Variants in TENT5D observed in about 807,000 individuals in gnomAD.
TENT5D encodes cancer/testis antigen 112.
For synonymous variants in TENT5D, 103 were observed against 100.6 expected (o/e 1.02, Z -0.15); for missense variants, 191 against 287.0 (o/e 0.67, Z 2.42).
At chrX:80,336,150 T>A (rs1333411078) in intron 2 of TENT5D, among the ~76,000 whole-genome samples, 1 of 111,413 alleles carries the variant, frequency 9.0e-6, no homozygotes. Context: ...ATTAGTATAT[T>A]CTCTTACTAA....
chrX:80,418,041 G>A (rs1478351093), upstream of TENT5D, among the ~76,000 whole-genome samples: 1 of 110,918 alleles, frequency 9.0e-6, no homozygotes, highest in Non-Finnish European at 1.9e-5. Context: ...TTCCAACTGA[G>A]TTATTTCAGA....
chrX:80,443,868 A>G (rs1275008313), exon 3 of TENT5D: 4 of 479,726 alleles, frequency 8.3e-6, no homozygotes, highest in Non-Finnish European at 1.4e-5. Flanking sequence ...TTTTTGATCA[A>G]TTAAGCCATC....
At chrX:80,367,625 A>G (rs779195764) in intron 3 of TENT5D, among the ~76,000 whole-genome samples, 1 of 112,053 alleles carries the variant, frequency 8.9e-6, no homozygotes, top group South Asian at 3.7e-4. Context: ...GATACAGAAT[A>G]TGTGATACAT....
intron 3 of TENT5D, among the ~76,000 whole-genome samples, chrX:80,394,739 T>G (rs1931209386): frequency 9.0e-6 from 1 of 111,246 alleles, no homozygotes; most frequent in Non-Finnish European, 1.9e-5. Flanking sequence ...AAATTTTAAT[T>G]AACACATAAT....
At chrX:80,443,848 T>A (rs1313286627) in exon 3 of TENT5D, 2 of 538,881 alleles carry the variant, frequency 3.7e-6, no homozygotes, top group Admixed American at 4.2e-5. Flanking sequence ...GGAATAGTAG[T>A]TACCAACTAT....
chrX:80,427,600 A>G (rs986181822), intron 1 of TENT5D, among the ~76,000 whole-genome samples: 4 of 111,849 alleles, frequency 3.6e-5, no homozygotes, highest in African/African-American at 1.3e-4. Context: ...CTTCTTAAAT[A>G]GACATTACAC....
chrX:80,429,561 C>T (rs1932046194), intron 1 of TENT5D, among the ~76,000 whole-genome samples: 1 of 110,486 alleles, frequency 9.1e-6, no homozygotes, highest in Non-Finnish European at 1.9e-5. Flanking sequence ...CCTCGGCCTC[C>T]CAAAGTGCTG....
At chrX:80,384,192 C>A in intron 3 of TENT5D, among the ~76,000 whole-genome samples, 1 of 99,452 alleles carries the variant, frequency 1.0e-5, no homozygotes, top group African/African-American at 3.7e-5. Context: ...ACTGGCAAAC[C>A]GAATCCAGCA....
chrX:80,338,656 C>T (rs1416679501), intron 2 of TENT5D, among the ~76,000 whole-genome samples: 1 of 112,404 alleles, frequency 8.9e-6, no homozygotes, highest in African/African-American at 3.2e-5. Context: ...TTTGTGTTAA[C>T]ACATTTTTTG....
At chrX:80,381,520 G>A (rs1177551927) in intron 3 of TENT5D, among the ~76,000 whole-genome samples, 1 of 111,906 alleles carries the variant, frequency 8.9e-6, no homozygotes, top group African/African-American at 3.3e-5. Context: ...CTAGGTTGGG[G>A]AAGTTCTCCT....
At chrX:80,367,323 T>C (rs1250719027) in intron 3 of TENT5D, among the ~76,000 whole-genome samples, 6 of 111,723 alleles carry the variant, frequency 5.4e-5, no homozygotes, top group Non-Finnish European at 9.4e-5. Context: ...AAATGGCCGT[T>C]ATCCAAAAGA....
chrX:80,366,845 A>G (rs769418079), intron 3 of TENT5D, among the ~76,000 whole-genome samples: 1 of 111,728 alleles, frequency 9.0e-6, no homozygotes, highest in African/African-American at 3.2e-5. Context: ...ATTTTCTACT[A>G]TACAATTCTG....
chrX:80,410,212 G>A (rs1931618121), intron 3 of TENT5D, among the ~76,000 whole-genome samples: 1 of 110,223 alleles, frequency 9.1e-6, no homozygotes. Context: ...AACACCAAAA[G>A]CAATGGCAAC....
chrX:80,389,610 GA>G (rs1413781526), intron 3 of TENT5D, among the ~76,000 whole-genome samples: 1 of 112,348 alleles, frequency 8.9e-6, no homozygotes, highest in Non-Finnish European at 1.9e-5. Flanking sequence ...AAAGATAGTA[GA>G]AAACCAGATG....
At chrX:80,407,490 A>G (rs1224155053) in intron 3 of TENT5D, among the ~76,000 whole-genome samples, 1 of 108,700 alleles carries the variant, frequency 9.2e-6, no homozygotes, top group Non-Finnish European at 1.9e-5. Flanking sequence ...AACAAAAATC[A>G]AAAGAGACAA....
intron 2 of TENT5D, among the ~76,000 whole-genome samples, chrX:80,341,897 G>C (rs1276325253): frequency 3.8e-5 from 4 of 106,323 alleles, no homozygotes; most frequent in Admixed American, 1.0e-4. Context: ...ATTTTTAGTA[G>C]AGACGGGGTT....
chrX:80,387,990 A>C (rs943144212), intron 3 of TENT5D, among the ~76,000 whole-genome samples: 1 of 111,301 alleles, frequency 9.0e-6, no homozygotes, highest in African/African-American at 3.3e-5. Flanking sequence ...CAGACAGAGC[A>C]GTCTCCCCTG....
At chrX:80,394,391 CTTT>C (rs35632962) in intron 3 of TENT5D, among the ~76,000 whole-genome samples, 1 of 36,670 alleles carries the variant, frequency 2.7e-5, no homozygotes, top group Non-Finnish European at 4.4e-5. Flanking sequence ...AGGTCCTTTC[CTTT>C]TTTTTTTTTT....
At chrX:80,427,601 G>T (rs1018258491) in intron 1 of TENT5D, among the ~76,000 whole-genome samples, 8 of 111,265 alleles carry the variant, frequency 7.2e-5, no homozygotes, top group Non-Finnish European at 1.5e-4. Flanking sequence ...TTCTTAAATA[G>T]ACATTACACA....
Sources: gnomAD v4.1 joint callset for allele counts (sites outside exome capture counted in the v4.1 genomes callset) on GRCh38, gnomAD v4.1.1 for gene constraint, MANE v1.5 for transcripts, NCBI Gene and HGNC (gene_info 2026-07-23, HGNC 2026-07-21) for gene names.